Variants in NHLH2 observed in about 807,000 individuals in gnomAD.
The protein encoded by NHLH2 is nescient helix-loop-helix 2.
In NHLH2, 7 loss-of-function variants were observed where a neutral mutation model predicts 7.3. The observed-to-expected ratio is 0.96, with a 90% CI of 0.55 to 1.81. The LOEUF is 1.81. Ranked by LOEUF, NHLH2 falls within the 40% of genes most tolerant of loss-of-function variation. The pLI, the probability that NHLH2 is intolerant of heterozygous loss-of-function variation, is 0.00. For missense variants in NHLH2, 155 were observed against 194.0 expected, an observed-to-expected ratio of 0.80 and a Z score of 1.19; for synonymous variants, 93 against 91.6, an observed-to-expected ratio of 1.01 and a Z score of -0.09.
rs1650880520 is a variant in NHLH2 at position 115,836,727 on chromosome 1, C to T, written c.*1238G>A. ...CTTAATTTGCTAAATTCATCACACG[C>T]ACAAACATCACACACACAAAGAAGC... On this transcript the variant is annotated 3_prime_UTR_variant, in exon 3 of 3. Coordinates refer to ENST00000320238, the MANE Select transcript of NHLH2 (RefSeq NM_005599.3). The T allele has an allele frequency of 6.6e-6, 1 of 151,948 alleles. No homozygotes were observed. The highest frequency in any genetic ancestry group is 1.5e-5 in the Non-Finnish European group (1 of 67,964). The allele number at this position is 151,948 out of a possible 1,614,324, so 9.4% of individuals were successfully genotyped here.
rs1306248004 is a variant in NHLH2, at chr1:115,837,949, C to T, written c.*16G>A. ...GCGGACGCCGGGACAGGCGGCCCCC[C>T]GCGGCGCACCCCGCCCTACACGTCC... is the stretch of plus-strand genomic sequence containing the variant. On this transcript the variant is annotated 3_prime_UTR_variant, in exon 3 of 3. Transcript: ENST00000320238. 1 of 1,589,176 alleles carries T rather than the reference C, an allele frequency of 6.3e-7. No individual in the cohort carries two copies. The highest frequency in any genetic ancestry group is 1.1e-5 in the South Asian group (1 of 88,800).
At chr1:115,834,655 A>C (rs980490110), downstream of NHLH2, among the ~76,000 whole-genome samples, 1 of 152,196 alleles carries the variant, frequency 6.6e-6, no homozygotes, top group Non-Finnish European at 1.5e-5. Flanking sequence ...AATGCTACCC[A>C]GCACCAGCAC....
chr1:115,839,579 C>G (rs910961331), intron 2 of NHLH2: 6 of 166,896 alleles, frequency 3.6e-5, no homozygotes, highest in Non-Finnish European at 5.8e-5. Flanking sequence ...GTAATTCGGG[C>G]TTCGAGAAAG....
Position 115,837,900 on chromosome 1 carries a change from G to C in NHLH2, c.*65C>G. 6.6e-7 allele frequency: 1 copy of C among 1,512,430 alleles called. No individual in the cohort carries two copies. The highest frequency in any genetic ancestry group is 1.2e-5 in the South Asian group (1 of 81,022). The allele number at this position is 1,512,430 out of a possible 1,614,324, so 93.7% of individuals were successfully genotyped here. A position where few individuals can be genotyped will look rare whatever the true frequency, so the allele number is the denominator to read the frequency against. On this transcript the variant is annotated 3_prime_UTR_variant, in exon 3 of 3. Transcript: ENST00000320238. ...CAGCCTCCGCCACCCGAGCGACGGC[G>C]CCCGTCCGGATCCGTAGCGTTTCGC...
In NHLH2 at chr1:115,837,807, C is replaced by G. The variant is rs890711462; in HGVS notation, c.*158G>C. ...AAACCTTCCCTCGTCGCCCTGCTGA[C>G]CAGAGAGAACAGGTAGCGAGCTTCT... On this transcript the variant is annotated 3_prime_UTR_variant, in exon 3 of 3. Coordinates refer to ENST00000320238, the MANE Select transcript of NHLH2 (RefSeq NM_005599.3). The G allele has an allele frequency of 3.8e-5, 30 of 788,196 alleles. No homozygotes were observed. The African/African-American group carries it at 5.6e-4, about 15-fold the overall frequency. The allele number at this position is 788,196 out of a possible 1,614,324, so 48.8% of individuals were successfully genotyped here.
downstream of NHLH2, among the ~76,000 whole-genome samples, chr1:115,834,788 T>C (rs555768814): frequency 6.6e-6 from 1 of 152,338 alleles, no homozygotes; most frequent in East Asian, 1.9e-4. Flanking sequence ...GTAGACTTTG[T>C]CTCATGTGTT....
Position 115,837,650 on chromosome 1 carries a change from G to T in NHLH2, c.*315C>A. ...TGTAGGAGAACTCAAAGTCTCCAGTGGGTTAAAACCACAACCCTTGGGGAG... is the reference window on the plus strand; with the variant it reads ...TGTAGGAGAACTCAAAGTCTCCAGTTGGTTAAAACCACAACCCTTGGGGAG... On this transcript the variant is annotated 3_prime_UTR_variant, in exon 3 of 3. Coordinates refer to ENST00000320238, the MANE Select transcript of NHLH2 (RefSeq NM_005599.3). The T allele has an allele frequency of 2.7e-6, 1 of 367,602 alleles. No individual in the cohort carries two copies. Among genetic ancestry groups the T allele is most frequent in the Admixed American group, 4.9e-5 (1 of 20,426 alleles). The allele number at this position is 367,602 out of a possible 1,614,324, so 22.8% of individuals were successfully genotyped here. A position where few individuals can be genotyped will look rare whatever the true frequency, so the allele number is the denominator to read the frequency against.
rs1650884363 is a variant in NHLH2, at chr1:115,836,858, C to T, written c.*1107G>A. The T allele has an allele frequency of 6.6e-6, 1 of 152,090 alleles. No individual in the cohort carries two copies. Among genetic ancestry groups the T allele is most frequent in the South Asian group, 2.1e-4 (1 of 4,814 alleles). The allele number at this position is 152,090 out of a possible 1,614,324, so 9.4% of individuals were successfully genotyped here. On this transcript the variant is annotated 3_prime_UTR_variant, in exon 3 of 3. Transcript: ENST00000320238. ...ATAGTGAAGTGCTAGTGTTGCTGAT[C>T]TCACAACAAAAGAACCTTTCAAGAA...
downstream of NHLH2, among the ~76,000 whole-genome samples, chr1:115,835,334 A>G (rs138026989): frequency 2.0e-5 from 3 of 152,314 alleles, no homozygotes; most frequent in South Asian, 4.2e-4. Context: ...GAGAGGTGCT[A>G]TAAGAACTAG....
downstream of NHLH2, among the ~76,000 whole-genome samples, chr1:115,834,089 C>T (rs978575515): frequency 3.3e-5 from 5 of 152,214 alleles, no homozygotes; most frequent in Admixed American, 6.5e-5. Context: ...TCCTCCTTAC[C>T]CATTCCTCTC....
chr1:115,839,522 C>G (rs1650998827), intron 2 of NHLH2: 1 of 166,922 alleles, frequency 6.0e-6, no homozygotes, highest in African/African-American at 2.4e-5. Flanking sequence ...CTGGCCCGGA[C>G]TGTGCGCCTT....
rs1651032218 is a variant in NHLH2, at chr1:115,840,212, T to C, written c.-9+4A>G. On this transcript the variant is annotated splice_donor_region_variant and intron_variant, in intron 2 of 2. Coordinates refer to ENST00000320238, the MANE Select transcript of NHLH2 (RefSeq NM_005599.3). ...CTGAAAAAAATTATTTAAAGGAGTC[T>C]TACCTTGCAAAAGCCTTTTTGATAA... 2 of 167,080 alleles carry C rather than the reference T, an allele frequency of 1.2e-5. No homozygotes were observed. The highest frequency in any genetic ancestry group is 4.1e-4 in the South Asian group (2 of 4,836). The allele number at this position is 167,080 out of a possible 1,614,324, so 10.3% of individuals were successfully genotyped here.
chr1:115,834,988 C>T (rs1650834284), downstream of NHLH2, among the ~76,000 whole-genome samples: 1 of 152,186 alleles, frequency 6.6e-6, no homozygotes, highest in South Asian at 2.1e-4. Flanking sequence ...TAGCAGACTG[C>T]CACCATGCTT....
At chr1:115,832,095 C>G (rs1475721555), downstream of NHLH2, among the ~76,000 whole-genome samples, 12 of 152,244 alleles carry the variant, frequency 7.9e-5, no homozygotes. Flanking sequence ...TTAGCTTTGA[C>G]AGAGTCTGTG....
intron 2 of NHLH2, chr1:115,839,773 A>G (rs1309713312): frequency 5.8e-4 from 97 of 166,882 alleles, no homozygotes; most frequent in Non-Finnish European, 1.5e-5. Context: ...AAGCAAGGGG[A>G]TGGGTGATCG....
downstream of NHLH2, among the ~76,000 whole-genome samples, chr1:115,832,564 A>G (rs1242360715): frequency 6.6e-6 from 1 of 152,214 alleles, no homozygotes; most frequent in Non-Finnish European, 1.5e-5. Flanking sequence ...AGATTGGTAC[A>G]TACGTTGTCC....
chr1:115,832,228 A>C (rs773473207), downstream of NHLH2, among the ~76,000 whole-genome samples: 17 of 152,310 alleles, frequency 1.1e-4, no homozygotes, highest in Non-Finnish European at 1.6e-4. Context: ...AGACCTGTAG[A>C]TAACTCTACA....
At chr1:115,836,290 C>G (rs1411079942), downstream of NHLH2, 1 of 152,144 alleles carries the variant, frequency 6.6e-6, no homozygotes. Context: ...CAGTTCCTTT[C>G]TAAGGAATTG....
Position 115,836,733 on chromosome 1 carries a change from C to T in NHLH2, c.*1232G>A, listed in dbSNP as rs1172329463. ...TTGCTAAATTCATCACACGCACAAACATCACACACACAAAGAAGCTACTCT... is the reference window on the plus strand; with the variant it reads ...TTGCTAAATTCATCACACGCACAAATATCACACACACAAAGAAGCTACTCT... On this transcript the variant is annotated 3_prime_UTR_variant, in exon 3 of 3. Transcript: ENST00000320238. 2 of 151,960 alleles carry T rather than the reference C, an allele frequency of 1.3e-5. No individual in the cohort carries two copies. 9.4% of individuals were successfully genotyped at this position (151,960 alleles called of 1,614,324 possible).
Sources: allele counts gnomAD v4.1 joint callset (sites outside exome capture counted in the v4.1 genomes callset), GRCh38; gene constraint gnomAD v4.1.1; transcripts MANE v1.5; gene names NCBI Gene and HGNC (gene_info 2026-07-23, HGNC 2026-07-21).